The following RANBP17 variants were observed in gnomAD, a reference collection of about 807,000 sequenced individuals.
The protein encoded by RANBP17 is RAN binding protein 17, also known as ran-binding protein 17.
RANBP17 carries 158 observed loss-of-function variants against 141.2 expected under a neutral mutation model. The ratio of observed to expected loss-of-function variants is 1.12; its 90% CI spans 0.98 to 1.28. The LOEUF (loss-of-function observed/expected upper bound fraction) is 1.28. Among genes scored for constraint, RANBP17 ranks in the 50% most tolerant of loss-of-function variants. RANBP17 has a pLI of 0.00. For missense variants in RANBP17, 1,438 were observed against 1,290.7 expected, an observed-to-expected ratio of 1.11 and a Z score of -1.75; for synonymous variants, 430 against 450.0, an observed-to-expected ratio of 0.96 and a Z score of 0.56.
chr5:171,219,504 C>G (rs1401883463), intron 21 of RANBP17, among the ~76,000 whole-genome samples: 1 of 152,104 alleles, frequency 6.6e-6, no homozygotes, highest in East Asian at 1.9e-4. Flanking sequence ...TGGTTCCATT[C>G]TCCTCATCAC....
intron 26 of RANBP17, among the ~76,000 whole-genome samples, chr5:171,295,649 G>A (rs1213773259): frequency 6.6e-6 from 1 of 152,166 alleles, no homozygotes; most frequent in Non-Finnish European, 1.5e-5. Flanking sequence ...CCTAAGCAGT[G>A]ACACTAGAAC....
At chr5:171,293,097 A>T (rs1028027111) in intron 25 of RANBP17, among the ~76,000 whole-genome samples, 3 of 152,140 alleles carry the variant, frequency 2.0e-5, no homozygotes, top group African/African-American at 7.2e-5. Context: ...TTTAAATGTT[A>T]CCTTCTCCGT....
intron 24 of RANBP17, among the ~76,000 whole-genome samples, chr5:171,244,501 C>G (rs2127998955): frequency 6.6e-6 from 1 of 152,226 alleles, no homozygotes; most frequent in East Asian, 1.9e-4. Flanking sequence ...GGCTGGAGTG[C>G]AGTGATGCAA....
intron 14 of RANBP17, among the ~76,000 whole-genome samples, chr5:171,089,268 C>A (rs1172667248): frequency 1.0e-5 from 1 of 99,260 alleles, no homozygotes; most frequent in African/African-American, 3.1e-5. Flanking sequence ...AGTTAGGCTG[C>A]TCGGGGGTCA....
At chr5:171,238,528 A>G (rs780256161) in intron 22 of RANBP17, among the ~76,000 whole-genome samples, 3 of 152,140 alleles carry the variant, frequency 2.0e-5, no homozygotes, top group Admixed American at 1.3e-4. Context: ...AAAGGCCCCA[A>G]AAGTTTTCTC....
intron 25 of RANBP17, among the ~76,000 whole-genome samples, chr5:171,284,836 C>T (rs1385297938): frequency 1.3e-5 from 2 of 152,124 alleles, no homozygotes; most frequent in East Asian, 1.9e-4. Context: ...GGTACTTACC[C>T]GTAATTGCTG....
intron 26 of RANBP17, among the ~76,000 whole-genome samples, chr5:171,295,226 G>A (rs746275439): frequency 2.0e-5 from 3 of 152,148 alleles, no homozygotes; most frequent in Non-Finnish European, 4.4e-5. Flanking sequence ...ATCAGAACTT[G>A]TGTGTGTATA....
intron 14 of RANBP17, among the ~76,000 whole-genome samples, chr5:170,969,588 A>G (rs1481850740): frequency 6.6e-6 from 1 of 152,038 alleles, no homozygotes; most frequent in Non-Finnish European, 1.5e-5. Context: ...TTGCTAATAC[A>G]GTATCCATTT....
intron 12 of RANBP17, among the ~76,000 whole-genome samples, chr5:170,928,680 T>C (rs1773114752): frequency 1.3e-5 from 2 of 152,128 alleles, no homozygotes; most frequent in East Asian, 3.8e-4. Context: ...ACCACTGATC[T>C]ATATATGTTT....
At chr5:171,265,107 A>ATT (rs1766581839) in intron 24 of RANBP17, among the ~76,000 whole-genome samples, 1 of 152,220 alleles carries the variant, frequency 6.6e-6, no homozygotes, top group Non-Finnish European at 1.5e-5. Flanking sequence ...GATACTTAAT[A>ATT]AACAGTCACT....
At chr5:171,009,369 G>T (rs965840860) in intron 14 of RANBP17, among the ~76,000 whole-genome samples, 19 of 152,096 alleles carry the variant, frequency 1.2e-4, no homozygotes, top group African/African-American at 4.3e-4. Flanking sequence ...GTAACTTTGG[G>T]TAAGTTGCTT....
At chr5:170,950,764 A>T (rs915900056) in intron 12 of RANBP17, among the ~76,000 whole-genome samples, 2 of 152,296 alleles carry the variant, frequency 1.3e-5, no homozygotes, top group Middle Eastern at 3.4e-3. Flanking sequence ...AGTATGTTAA[A>T]AGAATACCTG....
At chr5:170,882,388 A>G (rs1053931224) in intron 3 of RANBP17, among the ~76,000 whole-genome samples, 1 of 152,180 alleles carries the variant, frequency 6.6e-6, no homozygotes, top group Admixed American at 6.5e-5. Context: ...CCAAAAAAGC[A>G]TTTATTTAAT....
At chr5:171,103,956 A>C (rs1374708455) in intron 14 of RANBP17, among the ~76,000 whole-genome samples, 7 of 152,154 alleles carry the variant, frequency 4.6e-5, no homozygotes, top group African/African-American at 1.7e-4. Context: ...AGTCCCAATG[A>C]GATGAGCCAG....
At position 171,000,763 on chromosome 5, in the gene RANBP17, G is replaced by A. The variant is rs151268201; in HGVS notation, c.1710+32386G>A. On this transcript the variant is annotated intron_variant, in intron 14 of 27. Transcript: ENST00000523189. ...TAGGAGCAATGTTTTACGGGCAGGGGGTGGATCTCACAAAGTACATTCTCA... is the reference window on the plus strand; with the variant it reads ...TAGGAGCAATGTTTTACGGGCAGGGAGTGGATCTCACAAAGTACATTCTCA... Among the ~76,000 whole-genome samples the A allele has an allele frequency of 3.8e-4, 58 of 152,212 alleles. 2 individuals are homozygous for A. The East Asian group carries it at 0.01, about 27-fold the overall frequency.
intron 3 of RANBP17, among the ~76,000 whole-genome samples, chr5:170,890,987 A>G (rs961668023): frequency 3.9e-5 from 6 of 152,304 alleles, no homozygotes; most frequent in Non-Finnish European, 8.8e-5. Context: ...CACAATACCC[A>G]GCTAATGTTT....
rs183644630 is a variant in RANBP17 at position 171,165,817 on chromosome 5, T to C, written c.1711-4313T>C. ...GTAACAGGCTGGCAAGGTTTCAAAT[T>C]AAGACTCTTCTTACTGAATTTATAG... On this transcript the variant is annotated intron_variant, in intron 14 of 27. Coordinates refer to ENST00000523189, the MANE Select transcript of RANBP17 (RefSeq NM_022897.5). Among the ~76,000 whole-genome samples the C allele has an allele frequency of 3.9e-4, 60 of 152,286 alleles. 3 individuals are homozygous for C. In the East Asian group the frequency reaches 0.011, roughly 28 times the overall value.
At chr5:171,042,544 T>C (rs1332004349) in intron 14 of RANBP17, among the ~76,000 whole-genome samples, 4 of 152,168 alleles carry the variant, frequency 2.6e-5, no homozygotes, top group African/African-American at 9.6e-5. Context: ...GTGTGTTGTT[T>C]GCATCAAAGA....
rs367974886 is a variant in RANBP17 at position 171,172,747 on chromosome 5, T to A, written c.1865+1461T>A. ...TTTAGGTTGAAATTGATATTTAGTA[T>A]AAAATTAATTTGATTTGTATTCTTT... On this transcript the variant is annotated intron_variant, in intron 16 of 27. Transcript: ENST00000523189. 4.6e-5 allele frequency among the ~76,000 whole-genome samples: 7 copies of A among 151,978 alleles called. No homozygotes were observed. The South Asian group carries it at 1.5e-3, about 32-fold the overall frequency.
Sources: gnomAD v4.1 joint callset for allele counts (sites outside exome capture counted in the v4.1 genomes callset) on GRCh38, gnomAD v4.1.1 for gene constraint, MANE v1.5 for transcripts, NCBI Gene and HGNC (gene_info 2026-07-23, HGNC 2026-07-21) for gene names.